The following APBA2 variants were observed in gnomAD, a reference collection of about 807,000 sequenced individuals.
The protein encoded by APBA2 is amyloid-beta A4 precursor protein-binding family A member 2.
Under a neutral mutation model 75.0 loss-of-function variants are expected in APBA2, and 30 were observed. The ratio of observed to expected loss-of-function variants is 0.40; its 90% confidence interval spans 0.30 to 0.54. The LOEUF is 0.54. Ranked by LOEUF, APBA2 falls within the 20% of genes least tolerant of loss-of-function variation. APBA2 has a pLI of 0.49. For synonymous variants in APBA2, 444 were observed against 409.6 expected (o/e 1.08, Z -1.01); for missense variants, 801 against 1,016.1 (o/e 0.79, Z 2.88).
intron 3 of APBA2, among the ~76,000 whole-genome samples, chr15:29,017,675 C>T (rs2039743714): frequency 6.6e-6 from 1 of 151,984 alleles, no homozygotes; most frequent in Admixed American, 6.6e-5. Context: ...CCGGCACCAT[C>T]TTCTTTTCTT....
At chr15:29,000,507 G>A (rs2038789125) in intron 3 of APBA2, among the ~76,000 whole-genome samples, 1 of 152,208 alleles carries the variant, frequency 6.6e-6, no homozygotes, top group Non-Finnish European at 1.5e-5. Context: ...CTCCCGTCTT[G>A]CTGGTTCATC....
At chr15:29,079,567 G>T (rs925704740) in intron 6 of APBA2, among the ~76,000 whole-genome samples, 2 of 152,110 alleles carry the variant, frequency 1.3e-5, no homozygotes, top group African/African-American at 4.8e-5. Context: ...TTTTATGAAG[G>T]CAGGGCAGGT....
At chr15:28,888,530 C>T (rs965309728) in intron 1 of APBA2, among the ~76,000 whole-genome samples, 1 of 152,210 alleles carries the variant, frequency 6.6e-6, no homozygotes, top group Non-Finnish European at 1.5e-5. Flanking sequence ...CGCATACCTG[C>T]CCCGGTGACT....
At chr15:29,108,983 A>G (rs1166712306) in intron 13 of APBA2, among the ~76,000 whole-genome samples, 2 of 152,320 alleles carry the variant, frequency 1.3e-5, no homozygotes, top group South Asian at 2.1e-4. Context: ...ACTGACCTGC[A>G]TTTGACTGGC....
At chr15:28,901,908 A>ATGTGTGAGTGTGTGTG (rs2032880894) in intron 1 of APBA2, among the ~76,000 whole-genome samples, 1 of 67,378 alleles carries the variant, frequency 1.5e-5, no homozygotes, top group Non-Finnish European at 2.7e-5. Flanking sequence ...GGAGCTTTTG[A>ATGTGTGAGTGTGTGTG]TGTGTGTGTG....
At chr15:29,102,643 C>T (rs550779830) in intron 10 of APBA2, 2 of 152,362 alleles carry the variant, frequency 1.3e-5, no homozygotes, top group African/African-American at 4.8e-5. Context: ...CCTGTAATCC[C>T]AGCTACGTGG....
intron 2 of APBA2, among the ~76,000 whole-genome samples, chr15:28,963,366 G>T (rs1170911004): frequency 6.6e-6 from 1 of 152,182 alleles, no homozygotes; most frequent in Non-Finnish European, 1.5e-5. Context: ...CAGCCAGTGA[G>T]GCGCCTTCCC....
At chr15:28,908,986 CTT>C (rs558056022) in intron 1 of APBA2, among the ~76,000 whole-genome samples, 23 of 131,826 alleles carry the variant, frequency 1.7e-4, no homozygotes, top group East Asian at 2.1e-4. Flanking sequence ...ATTTTACTTC[CTT>C]TTTTTTTTTT....
At chr15:28,979,495 G>A (rs1298876719) in intron 2 of APBA2, among the ~76,000 whole-genome samples, 3 of 152,198 alleles carry the variant, frequency 2.0e-5, no homozygotes, top group Non-Finnish European at 2.9e-5. Flanking sequence ...TGGACAATGA[G>A]GCTTCCCTGG....
chr15:29,024,878 G>A (rs2040136962), intron 3 of APBA2, among the ~76,000 whole-genome samples: 1 of 152,176 alleles, frequency 6.6e-6, no homozygotes, highest in South Asian at 2.1e-4. Flanking sequence ...GGAGCGGATG[G>A]AAGCAGGAGA....
intron 4 of APBA2, among the ~76,000 whole-genome samples, chr15:29,064,808 T>G (rs1169162979): frequency 6.6e-6 from 1 of 152,040 alleles, no homozygotes; most frequent in Non-Finnish European, 1.5e-5. Context: ...GAAGGCCAGA[T>G]GTAGCAGGGC....
At chr15:29,012,631 G>A (rs1368685402) in intron 3 of APBA2, among the ~76,000 whole-genome samples, 1 of 152,076 alleles carries the variant, frequency 6.6e-6, no homozygotes, top group African/African-American at 2.4e-5. Context: ...GATATTCATT[G>A]TATACTTTGG....
intron 2 of APBA2, among the ~76,000 whole-genome samples, chr15:28,942,256 C>T (rs2035275122): frequency 1.3e-5 from 2 of 152,178 alleles, no homozygotes; most frequent in South Asian, 2.1e-4. Flanking sequence ...GGGCCGCGCT[C>T]CTTCCTGCAG....
chr15:28,946,411 A>C (rs1386653724), intron 2 of APBA2, among the ~76,000 whole-genome samples: 2 of 152,190 alleles, frequency 1.3e-5, no homozygotes, highest in African/African-American at 4.8e-5. Flanking sequence ...TGCACTTTGA[A>C]GATGGAGGAA....
intron 3 of APBA2, among the ~76,000 whole-genome samples, chr15:29,029,137 T>C (rs1432025425): frequency 2.0e-5 from 3 of 150,128 alleles, no homozygotes; most frequent in African/African-American, 7.3e-5. Context: ...TTTTATAGTT[T>C]TGGGTTTTAC....
At chr15:28,915,141 A>ACACAC (rs2033618744) in intron 1 of APBA2, among the ~76,000 whole-genome samples, 2 of 7,400 alleles carry the variant, frequency 2.7e-4, no homozygotes, top group African/African-American at 7.5e-4. Context: ...CATATATACC[A>ACACAC]CACACATACC....
intron 2 of APBA2, among the ~76,000 whole-genome samples, chr15:28,929,654 T>G (rs1474593957): frequency 6.6e-6 from 1 of 152,198 alleles, no homozygotes; most frequent in Non-Finnish European, 1.5e-5. Context: ...TTACTGTGGC[T>G]AAACCTTCTG....
chr15:29,103,130 C>G (rs541868945), intron 10 of APBA2, among the ~76,000 whole-genome samples: 1 of 152,350 alleles, frequency 6.6e-6, no homozygotes, highest in East Asian at 1.9e-4. Flanking sequence ...GGATGGGCCA[C>G]AGGTACTGGC....
At chr15:28,993,560 C>T (rs2038349635) in intron 2 of APBA2, among the ~76,000 whole-genome samples, 1 of 152,072 alleles carries the variant, frequency 6.6e-6, no homozygotes. Context: ...TAAATAGACA[C>T]TCAAAACCCG....
Sources: allele counts gnomAD v4.1 joint callset (sites outside exome capture counted in the v4.1 genomes callset), GRCh38; gene constraint gnomAD v4.1.1; transcripts MANE v1.5; gene names NCBI Gene and HGNC (gene_info 2026-07-23, HGNC 2026-07-21).